TGM5: variants seen among roughly 807,000 people sequenced by gnomAD.
The protein encoded by TGM5 is transglutaminase 5.
TGM5 carries 69 observed loss-of-function variants against 77.2 expected under a neutral mutation model. That is an observed-to-expected ratio of 0.89 (90% CI 0.74 to 1.09). TGM5 has a LOEUF of 1.09. Ranked by LOEUF, TGM5 falls within the 50% of genes least tolerant of loss-of-function variation. The probability of loss-of-function intolerance (pLI) is 0.00; values close to 1 mark genes in which losing one functional copy is unlikely to be tolerated. For missense variants in TGM5, 842 were observed against 896.5 expected, an observed-to-expected ratio of 0.94 and a Z score of 0.78; for synonymous variants, 346 against 351.8, an observed-to-expected ratio of 0.98 and a Z score of 0.18.
chr15:43,243,067 A>G (rs112587520), intron 6 of TGM5, among the ~76,000 whole-genome samples: 2,117 of 152,252 alleles, frequency 0.014, 41 homozygotes, highest in African/African-American at 0.048. Flanking sequence ...CCTGCTAAAC[A>G]TGACTCGATG....
rs2042601731 is a variant in TGM5, at chr15:43,237,869, G to A, written c.1345+948C>T. ...TCCCTGTCTCCCTCACTCTGCTCCA[G>A]GATTTCCAGGATAGCCTAAAAAATA... On this transcript the variant is annotated intron_variant, in intron 9 of 12. Coordinates refer to ENST00000220420, the MANE Select transcript of TGM5 (RefSeq NM_201631.4). Among the ~76,000 whole-genome samples, 3 of 152,162 alleles carry A rather than the reference G, an allele frequency of 2.0e-5. No individual in the cohort carries two copies. The South Asian group carries it at 6.2e-4, about 32-fold the overall frequency.
At chr15:43,261,074 GTGTTTTTTTTTTTTTTTTT>G (rs1250069300) in intron 1 of TGM5, among the ~76,000 whole-genome samples, 2 of 73,870 alleles carry the variant, frequency 2.7e-5, no homozygotes, top group East Asian at 5.4e-4. Flanking sequence ...TTTTGTGTGT[GTGTTTTTTTTTTTTTTTTT>G]TTTTTTTTTT....
Position 43,256,616 on chromosome 15 carries a change from G to A in TGM5, c.507C>T (p.Tyr169=), listed in dbSNP as rs745378997. The change falls in exon 4 of 13, where the codon TAC becomes TAT. Residue 169 remains tyrosine (Y), a synonymous_variant. Transcript: ENST00000220420. The stretch of plus-strand genomic sequence containing the variant: ...GGCGGATCCAGTTCTTGCTGCCTTG[G>A]TAGATGAAGCCATAATCATTCATGA... ...EYVMNDYGFI[Y]QGSKNWIRPC... 6.2e-7 allele frequency: 1 copy of A among 1,614,134 alleles called. No homozygotes were observed. Among genetic ancestry groups the A allele is most frequent in the East Asian group, 2.2e-5 (1 of 44,888 alleles).
intron 4 of TGM5, among the ~76,000 whole-genome samples, chr15:43,255,847 T>C (rs1026313021): frequency 6.6e-6 from 1 of 152,216 alleles, no homozygotes; most frequent in African/African-American, 2.4e-5. Context: ...TGCAGAGCAT[T>C]GCAATTAATA....
At chr15:43,255,331 C>T (rs531586268) in intron 4 of TGM5, among the ~76,000 whole-genome samples, 1 of 152,140 alleles carries the variant, frequency 6.6e-6, no homozygotes, top group East Asian at 1.9e-4. Context: ...AAGACCATGT[C>T]TCAAAAACAA....
At chr15:43,237,634 A>C (rs1029305192) in intron 9 of TGM5, among the ~76,000 whole-genome samples, 1 of 151,882 alleles carries the variant, frequency 6.6e-6, no homozygotes, top group Non-Finnish European at 1.5e-5. Context: ...CTGCAGCCTC[A>C]AATTCTGAGG....
chr15:43,265,956 C>T (rs996827062), intron 1 of TGM5, among the ~76,000 whole-genome samples: 1 of 152,034 alleles, frequency 6.6e-6, no homozygotes, highest in East Asian at 1.9e-4. Context: ...TATGATGATA[C>T]CATGGATATA....
At position 43,233,344 on chromosome 15, in the gene TGM5, G is replaced by T. The variant is rs372896864; in HGVS notation, c.2010C>A (p.Phe670Leu). 395 of 1,613,436 alleles carry T rather than the reference G, an allele frequency of 2.4e-4. No homozygotes were observed. The highest frequency in any genetic ancestry group is 3.2e-4 in the Non-Finnish European group (382 of 1,180,024). Residue 670 changes from phenylalanine (F) to leucine (L), a missense_variant and splice_region_variant, in exon 13 of 13, where the codon TTC becomes TTA. By Grantham distance (22) the Phe-to-Leu change is conservative. Coordinates refer to ENST00000220420, the MANE Select transcript of TGM5 (RefSeq NM_201631.4). The part of the protein sequence containing the change: ...SGLFKKQQKV[F>L]LGVLKPQHQA... Reference sequence around the variant, plus strand: ...GGTGTTGGGGTTTGAGGACTCCAAGGCTGCAACAGAGAATGGAGCATGTCA... The same window carrying T: ...GGTGTTGGGGTTTGAGGACTCCAAGTCTGCAACAGAGAATGGAGCATGTCA...
intron 1 of TGM5, among the ~76,000 whole-genome samples, chr15:43,261,055 T>A (rs2042782294): frequency 7.2e-6 from 1 of 139,492 alleles, no homozygotes; most frequent in Admixed American, 6.9e-5. Flanking sequence ...GGCTAGCTGC[T>A]CTTCCTTTTT....
At chr15:43,233,457 G>T in intron 12 of TGM5, 97 bp downstream of exon 12, 1 of 1,612,216 alleles carries the variant, frequency 6.2e-7, no homozygotes, top group Non-Finnish European at 8.5e-7. Context: ...CCCTTCCCCG[G>T]TGTTGTGGAG....
chr15:43,261,770 C>T lies in TGM5; in HGVS notation c.11-1191G>A, dbSNP rs142688441. ...CTTTTCCACATTCACATAATTCCAA[C>T]GTCTTCTCATACCGAGTCACCATAA... On this transcript the variant is annotated intron_variant, in intron 1 of 12. Coordinates refer to ENST00000220420, the MANE Select transcript of TGM5 (RefSeq NM_201631.4). 2.3e-3 allele frequency among the ~76,000 whole-genome samples: 355 copies of T among 152,278 alleles called. 2 individuals are homozygous for T. Among genetic ancestry groups the T allele is most frequent in the African/African-American group, 8.2e-3 (339 of 41,554 alleles).
intron 7 of TGM5, among the ~76,000 whole-genome samples, chr15:43,240,640 C>G (rs1566830004): frequency 6.6e-6 from 1 of 150,510 alleles, no homozygotes; most frequent in Non-Finnish European, 1.5e-5. Flanking sequence ...ACTTCTAAAC[C>G]CCAAATGGGC....
At chr15:43,260,368 C>T (rs1200550318) in intron 2 of TGM5, 32 bp downstream of exon 2, 1 of 1,614,216 alleles carries the variant, frequency 6.2e-7, no homozygotes, top group South Asian at 1.1e-5. Context: ...CCCAGACACA[C>T]ACAGCCCCTG....
At chr15:43,254,255 C>G (rs766610678) in intron 4 of TGM5, among the ~76,000 whole-genome samples, 1 of 152,218 alleles carries the variant, frequency 6.6e-6, no homozygotes, top group African/African-American at 2.4e-5. Flanking sequence ...TGTGCCCTCT[C>G]CGCGTGAGAC....
intron 6 of TGM5, among the ~76,000 whole-genome samples, chr15:43,241,702 C>T (rs535663461): frequency 1.1e-4 from 16 of 152,130 alleles, no homozygotes; most frequent in Non-Finnish European, 1.8e-4. Flanking sequence ...TCAAAAAAAT[C>T]GCACTCCAGC....
At position 43,233,587 on chromosome 15, in the gene TGM5, C is replaced by A; in HGVS notation, c.1976G>T (p.Gly659Val). Residue 659 changes from glycine to valine, a missense_variant, in exon 12 of 13, where the codon GGA becomes GTA. By Grantham distance (109) the Gly-to-Val change is moderately radical (BLOSUM62 -3). This residue lies in a region of TGM5 where 815 missense variants were observed against 844.6 expected (regional missense o/e 0.96). Transcript: ENST00000220420. ...QVEDCVLTVEGSGLFKKQQKV... is the reference protein window; with the variant it reads ...QVEDCVLTVEVSGLFKKQQKV... ...CTGCTGTTTCTTGAAGAGGCCACTT[C>A]CTTCCACAGTCAGCACACAGTCCTC... is the stretch of plus-strand genomic sequence containing the variant. 1 of 1,614,212 alleles carries A rather than the reference C, an allele frequency of 6.2e-7. No homozygotes were observed. Among genetic ancestry groups the A allele is most frequent in the South Asian group, 1.1e-5 (1 of 91,086 alleles).
At position 43,234,782 on chromosome 15, in the gene TGM5, C is replaced by T; in HGVS notation, c.1862G>A (p.Ser621Asn). 6.2e-7 allele frequency: 1 copy of T among 1,614,210 alleles called. No homozygotes were observed. Residue 621 changes from serine (S) to asparagine (N), a missense_variant, in exon 11 of 13, where the codon AGC (serine) becomes AAC (asparagine). Transcript: ENST00000220420. ...ACTCCTGCCTACATTAATCGTGATG[C>T]TTGGATAAGATAAGGTGATGATCTT... Reference protein sequence around the residue: ...VNKIITLSYPSITINVLGAAV... With the variant: ...VNKIITLSYPNITINVLGAAV...
intron 3 of TGM5, among the ~76,000 whole-genome samples, chr15:43,258,651 T>C (rs2042760969): frequency 6.6e-6 from 1 of 152,168 alleles, no homozygotes; most frequent in African/African-American, 2.4e-5. Flanking sequence ...CACAGCCCCC[T>C]TCTCTCAGCC....
chr15:43,263,822 T>C (rs927898318), intron 1 of TGM5, among the ~76,000 whole-genome samples: 43 of 152,292 alleles, frequency 2.8e-4, no homozygotes, highest in African/African-American at 1.0e-3. Flanking sequence ...TTGGACCTCA[T>C]CAAAATTAAT....
Sources: gnomAD v4.1 joint callset for allele counts (sites outside exome capture counted in the v4.1 genomes callset) on GRCh38, gnomAD v4.1.1 for gene constraint, gnomAD v4.1.1 regional missense constraint, MANE v1.5 for transcripts, NCBI Gene and HGNC (gene_info 2026-07-23, HGNC 2026-07-21) for gene names.